STAP1: variants seen among roughly 807,000 people sequenced by gnomAD.
STAP1 encodes the protein signal transducing adaptor family member 1.
In STAP1, 30 loss-of-function variants were observed where a neutral mutation model predicts 37.8. The ratio of observed to expected loss-of-function variants is 0.79; its 90% CI spans 0.59 to 1.08. The LOEUF (loss-of-function observed/expected upper bound fraction) is 1.08, where lower values mean the gene tolerates loss of function less well. Ranked by LOEUF, STAP1 falls within the 50% of genes least tolerant of loss-of-function variation. The pLI, the probability that STAP1 is intolerant of heterozygous loss-of-function variation, is 0.00. For synonymous variants in STAP1, 130 were observed against 116.0 expected (o/e 1.12, Z -0.78); for missense variants, 357 against 349.4 (o/e 1.02, Z -0.17).
Position 67,566,105 on chromosome 4 carries a change from C to T in STAP1, c.121-4979C>T, listed in dbSNP as rs562975702. On this transcript the variant is annotated intron_variant, in intron 1 of 8. Coordinates refer to ENST00000265404, the MANE Select transcript of STAP1 (RefSeq NM_012108.4). ...CTGGGATTACAGGCGCCCGCCACTACTCCGGCTAATTTTCATATTTTTAGT... is the reference window on the plus strand; with the variant it reads ...CTGGGATTACAGGCGCCCGCCACTATTCCGGCTAATTTTCATATTTTTAGT... 1.7e-3 allele frequency among the ~76,000 whole-genome samples: 256 copies of T among 151,872 alleles called. 2 individuals carry two copies. The highest frequency in any genetic ancestry group is 3.5e-3 in the African/African-American group (147 of 41,430).
At position 67,590,745 on chromosome 4, in the gene STAP1, A is replaced by ATTTTTTT. The variant is rs66493617; in HGVS notation, c.660-125_660-119dup. 7.2e-5 allele frequency: 15 copies of ATTTTTTT among 209,412 alleles called. 1 individual carries two copies. Among genetic ancestry groups the ATTTTTTT allele is most frequent in the South Asian group, 3.9e-4 (3 of 7,666 alleles). 13.0% of individuals were successfully genotyped at this position (209,412 alleles called of 1,614,324 possible). A position where few individuals can be genotyped will look rare whatever the true frequency, so the allele number is the denominator to read the frequency against. On this transcript the variant is annotated intron_variant, in intron 6 of 8. Coordinates refer to ENST00000265404, the MANE Select transcript of STAP1 (RefSeq NM_012108.4). Reference sequence around the variant, plus strand: ...AACAGAAAATAAAAAACCACGAAGGATTTTTTTTTTTTTTTTTTTTGCCAA... The same window carrying ATTTTTTT: ...AACAGAAAATAAAAAACCACGAAGGATTTTTTTTTTTTTTTTTTTTTTTTTTTGCCAA...
intron 8 of STAP1, among the ~76,000 whole-genome samples, chr4:67,596,971 G>T (rs1326044983): frequency 1.3e-5 from 2 of 152,344 alleles, no homozygotes; most frequent in Admixed American, 6.5e-5. Flanking sequence ...GCAGAAATTT[G>T]CATAAGAAAC....
chr4:67,559,691 A>T (rs1727290898), intron 1 of STAP1, among the ~76,000 whole-genome samples: 1 of 152,150 alleles, frequency 6.6e-6, no homozygotes, highest in African/African-American at 2.4e-5. Flanking sequence ...AAATAAAAAA[A>T]TCATTAAGTT....
chr4:67,572,531 G>C (rs1431708333), intron 2 of STAP1, among the ~76,000 whole-genome samples: 1 of 152,152 alleles, frequency 6.6e-6, no homozygotes, highest in Non-Finnish European at 1.5e-5. Flanking sequence ...CAAAGGGTAC[G>C]GAGCCCCTTG....
At chr4:67,589,996 G>T (rs917087670) in intron 6 of STAP1, among the ~76,000 whole-genome samples, 66 of 152,058 alleles carry the variant, frequency 4.3e-4, no homozygotes, top group African/African-American at 1.6e-3. Context: ...TAGAGATGGG[G>T]TCTCATTATG....
chr4:67,561,063 C>T (rs1296345811), intron 1 of STAP1, among the ~76,000 whole-genome samples: 1 of 152,192 alleles, frequency 6.6e-6, no homozygotes, highest in Non-Finnish European at 1.5e-5. Context: ...ACACCTGGCT[C>T]ACACTAAAGG....
At chr4:67,581,602 C>A in intron 5 of STAP1, 131 bp downstream of exon 5, 1 of 942,398 alleles carries the variant, frequency 1.1e-6, no homozygotes, top group Non-Finnish European at 1.6e-6. Flanking sequence ...CTGTATATCT[C>A]TGCGTACATG....
At chr4:67,600,241 T>C (rs2095754296) in intron 8 of STAP1, among the ~76,000 whole-genome samples, 1 of 152,202 alleles carries the variant, frequency 6.6e-6, no homozygotes, top group African/African-American at 2.4e-5. Flanking sequence ...AATTTCCTTT[T>C]TAGTTTATTC....
chr4:67,578,488 G>A (rs887932023), intron 4 of STAP1, among the ~76,000 whole-genome samples: 7 of 152,122 alleles, frequency 4.6e-5, no homozygotes, highest in Admixed American at 1.3e-4. Context: ...CTAGAAAAGC[G>A]GACCAGTTAA....
intron 4 of STAP1, among the ~76,000 whole-genome samples, chr4:67,580,463 GA>G (rs1346416203): frequency 1.3e-5 from 2 of 152,156 alleles, no homozygotes; most frequent in Admixed American, 1.3e-4. Flanking sequence ...AATAGAAAGT[GA>G]AGTTATAATG....
intron 1 of STAP1, among the ~76,000 whole-genome samples, chr4:67,559,527 T>C (rs1727286353): frequency 6.6e-6 from 1 of 152,098 alleles, no homozygotes; most frequent in South Asian, 2.1e-4. Context: ...CTAAGCTACA[T>C]AAATACCTTT....
intron 4 of STAP1, among the ~76,000 whole-genome samples, chr4:67,580,330 C>T (rs1024959586): frequency 6.6e-6 from 1 of 152,096 alleles, no homozygotes; most frequent in East Asian, 1.9e-4. Context: ...TCTTAGTTAT[C>T]TAAAATGTCT....
chr4:67,583,755 A>G (rs1299010798), intron 6 of STAP1, 53 bp downstream of exon 6: 19 of 1,582,244 alleles, frequency 1.2e-5, no homozygotes, highest in Non-Finnish European at 1.6e-5. Context: ...GGTATCACTA[A>G]ATACAAGTCC....
At chr4:67,575,995 G>A (rs542589990) in intron 3 of STAP1, among the ~76,000 whole-genome samples, 1 of 152,188 alleles carries the variant, frequency 6.6e-6, no homozygotes, top group Non-Finnish European at 1.5e-5. Context: ...AAGCTCCCCG[G>A]ATGATTTGCA....
At chr4:67,585,685 A>C (rs1232692657) in intron 6 of STAP1, among the ~76,000 whole-genome samples, 5 of 152,256 alleles carry the variant, frequency 3.3e-5, no homozygotes, top group African/African-American at 1.2e-4. Context: ...AGAAAATAAT[A>C]GATTTTTCAA....
chr4:67,565,079 G>A (rs1727436420), intron 1 of STAP1, among the ~76,000 whole-genome samples: 1 of 152,188 alleles, frequency 6.6e-6, no homozygotes, highest in Non-Finnish European at 1.5e-5. Flanking sequence ...TACCATTAAT[G>A]CAGGGTGGGG....
At chr4:67,583,081 C>T (rs1439855880) in intron 5 of STAP1, among the ~76,000 whole-genome samples, 1 of 152,020 alleles carries the variant, frequency 6.6e-6, no homozygotes, top group African/African-American at 2.4e-5. Context: ...TTTTATTTTG[C>T]ACATAAAAAT....
intron 5 of STAP1, 84 bp from the exon 6 acceptor site, chr4:67,583,490 A>C: frequency 7.1e-7 from 1 of 1,416,276 alleles, no homozygotes; most frequent in Non-Finnish European, 9.4e-7. Context: ...TGCAGCTCTC[A>C]AAGTTATTTT....
intron 4 of STAP1, among the ~76,000 whole-genome samples, chr4:67,578,922 G>A (rs990584015): frequency 6.6e-6 from 1 of 150,914 alleles, no homozygotes; most frequent in Non-Finnish European, 1.5e-5. Flanking sequence ...TCCACCTCCT[G>A]CGTTCAAGCA....
Sources: allele counts gnomAD v4.1 joint callset (sites outside exome capture counted in the v4.1 genomes callset), GRCh38; gene constraint gnomAD v4.1.1; transcripts MANE v1.5; gene names NCBI Gene and HGNC (gene_info 2026-07-23, HGNC 2026-07-21).